YME1L1: variants seen among roughly 807,000 people sequenced by gnomAD.
The protein encoded by YME1L1 is YME1 like 1 ATPase.
Under a neutral mutation model 90.4 loss-of-function variants are expected in YME1L1, and 39 were observed. That is an observed-to-expected ratio of 0.43 (90% CI 0.33 to 0.56). The LOEUF (loss-of-function observed/expected upper bound fraction) is 0.56, where lower values mean the gene tolerates loss of function less well. YME1L1 is among the 20% of genes least tolerant of loss of function. The pLI, the probability that YME1L1 is intolerant of heterozygous loss-of-function variation, is 0.03. For synonymous variants in YME1L1, 284 were observed against 287.3 expected (o/e 0.99, Z 0.12); for missense variants, 617 against 868.4 (o/e 0.71, Z 3.64).
chr10:27,134,944 C>T lies in YME1L1; in HGVS notation c.578G>A (p.Ser193Asn), dbSNP rs748481695. The T allele has an allele frequency of 1.2e-6, 2 of 1,613,102 alleles. No homozygotes were observed. The highest frequency in any genetic ancestry group is 1.7e-6 in the Non-Finnish European group (2 of 1,180,010). Reference protein sequence around the residue: ...LLRDRGSDVESLDKLMKTKNI... With the variant: ...LLRDRGSDVENLDKLMKTKNI... ...TTTGGTTTTCATGAGTTTGTCCAAA[C>T]TCTCAACATCTGATCCTCTGTCCCG... The change falls in exon 6 of 19, where the codon AGT (serine) becomes AAT (asparagine). Residue 193 changes from serine to asparagine, a missense_variant. Coordinates refer to ENST00000376016, the MANE Select transcript of YME1L1 (RefSeq NM_014263.4).
chr10:27,144,372 A>T (rs569429387), intron 3 of YME1L1, among the ~76,000 whole-genome samples: 1 of 152,314 alleles, frequency 6.6e-6, no homozygotes, highest in East Asian at 1.9e-4. Flanking sequence ...ACTGAAATAA[A>T]GGCAAAGGAA....
chr10:27,120,406 A>G (rs750439049), intron 13 of YME1L1, 29 bp downstream of exon 13: 21 of 1,542,138 alleles, frequency 1.4e-5, no homozygotes, highest in Admixed American at 1.7e-5. Context: ...CACTTTACAG[A>G]AATGACAAAT....
Position 27,154,228 on chromosome 10 carries a change from C to A in YME1L1, c.-18G>T. 3 of 1,580,932 alleles carry A rather than the reference C, an allele frequency of 1.9e-6. No homozygotes were observed. Among genetic ancestry groups the A allele is most frequent in the Non-Finnish European group, 1.7e-6 (2 of 1,162,930 alleles). On this transcript the variant is annotated 5_prime_UTR_variant, in exon 1 of 19. Transcript: ENST00000376016. Reference sequence around the variant, plus strand: ...GAAAACATCTCCGGCGGGCCCTCAGCGACCTCACCCGCCTGCCGAAACTGT... The same window carrying A: ...GAAAACATCTCCGGCGGGCCCTCAGAGACCTCACCCGCCTGCCGAAACTGT...
intron 9 of YME1L1, among the ~76,000 whole-genome samples, chr10:27,126,132 CAA>C (rs1333730195): frequency 6.6e-6 from 1 of 151,888 alleles, no homozygotes; most frequent in Non-Finnish European, 1.5e-5. Flanking sequence ...CATAAAGAGA[CAA>C]AGTGAATGAT....
chr10:27,154,118 A>G, intron 1 of YME1L1, 60 bp downstream of exon 1: 2 of 1,554,936 alleles, frequency 1.3e-6, no homozygotes, highest in Non-Finnish European at 1.7e-6. Flanking sequence ...CACGAGCGCA[A>G]TTTGCAAACA....
chr10:27,114,449 TA>T lies in YME1L1; in HGVS notation c.2007+71del, dbSNP rs1480180464. Reference sequence around the variant, plus strand: ...TAGTGAACAGAGGGCCTTCAGCTGTTATTTTTTAAGAACCTGACTATTTAAG... The same window carrying T: ...TAGTGAACAGAGGGCCTTCAGCTGTTTTTTTTAAGAACCTGACTATTTAAG... On this transcript the variant is annotated intron_variant, in intron 18 of 18. Coordinates refer to ENST00000376016, the MANE Select transcript of YME1L1 (RefSeq NM_014263.4). 57 of 1,264,104 alleles carry T rather than the reference TA, an allele frequency of 4.5e-5. 2 individuals carry two copies. In the Admixed American group the frequency reaches 1.2e-3, roughly 26 times the overall value. 78.3% of individuals were successfully genotyped at this position (1,264,104 alleles called of 1,614,324 possible).
intron 2 of YME1L1, chr10:27,147,739 T>C: frequency 6.5e-7 from 1 of 1,538,744 alleles, no homozygotes; most frequent in Non-Finnish European, 8.8e-7. Flanking sequence ...GTAACACCCG[T>C]GGTTTCTATA....
chr10:27,150,285 A>G (rs2057197498), intron 1 of YME1L1, among the ~76,000 whole-genome samples: 1 of 152,174 alleles, frequency 6.6e-6, no homozygotes, highest in African/African-American at 2.4e-5. Context: ...TTAGTACTAC[A>G]GGCTTTACTT....
At chr10:27,139,136 T>G (rs1389315157) in intron 4 of YME1L1, among the ~76,000 whole-genome samples, 1 of 152,164 alleles carries the variant, frequency 6.6e-6, no homozygotes, top group Non-Finnish European at 1.5e-5. Flanking sequence ...GAAACACATC[T>G]ATTTTGTTCC....
rs1036909364 is a variant in YME1L1 at position 27,110,353 on chromosome 10, T to C, written c.*1624A>G. 1 of 152,122 alleles carries C rather than the reference T, an allele frequency of 6.6e-6. No homozygotes were observed. Among genetic ancestry groups the C allele is most frequent in the African/African-American group, 2.4e-5 (1 of 41,436 alleles). 9.4% of individuals were successfully genotyped at this position (152,122 alleles called of 1,614,324 possible). A position where few individuals can be genotyped will look rare whatever the true frequency, so the allele number is the denominator to read the frequency against. ...ACATTTCTGCCAGTTTGAAATTACATTAAGATTTAAGATTATCAACCAAAA... is the reference window on the plus strand; with the variant it reads ...ACATTTCTGCCAGTTTGAAATTACACTAAGATTTAAGATTATCAACCAAAA... On this transcript the variant is annotated 3_prime_UTR_variant, in exon 19 of 19. Transcript: ENST00000376016.
chr10:27,127,060 T>C (rs929133535), intron 8 of YME1L1, among the ~76,000 whole-genome samples: 5 of 152,192 alleles, frequency 3.3e-5, no homozygotes, highest in African/African-American at 1.2e-4. Context: ...GTCAAGTACA[T>C]TGGACAGGGT....
intron 4 of YME1L1, among the ~76,000 whole-genome samples, chr10:27,137,962 T>C (rs986557126): frequency 5.3e-5 from 8 of 152,142 alleles, no homozygotes; most frequent in Non-Finnish European, 1.0e-4. Context: ...AGAGTTTCAT[T>C]GCCAAACTAA....
At chr10:27,150,008 G>A (rs1157752756) in intron 1 of YME1L1, among the ~76,000 whole-genome samples, 2 of 151,940 alleles carry the variant, frequency 1.3e-5, no homozygotes, top group African/African-American at 2.4e-5. Context: ...CCTGGGAGGC[G>A]GAGGTTGCAG....
At chr10:27,154,127 C>CA in intron 1 of YME1L1, 51 bp downstream of exon 1, 1 of 1,559,594 alleles carries the variant, frequency 6.4e-7, no homozygotes, top group Non-Finnish European at 8.7e-7. Context: ...AATTTGCAAA[C>CA]AGCCACGGGC....
At chr10:27,143,647 G>A (rs1238593254) in intron 3 of YME1L1, among the ~76,000 whole-genome samples, 4 of 145,998 alleles carry the variant, frequency 2.7e-5, no homozygotes, top group African/African-American at 7.7e-5. Flanking sequence ...ACAGTGAGCC[G>A]AGATTGCCCC....
Position 27,119,338 on chromosome 10 carries a change from A to G in YME1L1, c.1523T>C (p.Val508Ala). The change falls in exon 14 of 19, where the codon GTT becomes GCT. Residue 508 changes from valine (V) to alanine (A), a missense_variant. By Grantham distance (64) the Val-to-Ala change is moderately conservative. This residue lies in a region of YME1L1 where 212 missense variants were observed against 330.0 expected (regional missense o/e 0.64). Transcript: ENST00000376016. Reference sequence around the variant, plus strand: ...GGAAAACTCCAGCTCCTTCATGGTAACCATTTCTTTTCCATCAACAGCTGC... The same window carrying G: ...GGAAAACTCCAGCTCCTTCATGGTAGCCATTTCTTTTCCATCAACAGCTGC... ...LKAAVDGKEMVTMKELEFSKD... is the reference protein window; with the variant it reads ...LKAAVDGKEMATMKELEFSKD... The G allele has an allele frequency of 1.2e-6, 2 of 1,613,168 alleles. No individual in the cohort carries two copies. Among genetic ancestry groups the G allele is most frequent in the Non-Finnish European group, 1.7e-6 (2 of 1,179,698 alleles).
chr10:27,144,406 T>A (rs1399062849), intron 3 of YME1L1, among the ~76,000 whole-genome samples: 1 of 152,194 alleles, frequency 6.6e-6, no homozygotes, highest in East Asian at 1.9e-4. Context: ...ATGAATTAAG[T>A]TTATGCAAAG....
chr10:27,132,128 G>GTCT (rs1283103717), intron 7 of YME1L1, among the ~76,000 whole-genome samples, 187 bp from the exon 8 acceptor site: 1 of 152,052 alleles, frequency 6.6e-6, no homozygotes, highest in Non-Finnish European at 1.5e-5. Flanking sequence ...TTTTGACAGA[G>GTCT]TCTTGCTCTG....
intron 2 of YME1L1, among the ~76,000 whole-genome samples, 166 bp downstream of exon 2, chr10:27,148,740 G>A (rs930031205): frequency 6.8e-6 from 1 of 148,044 alleles, no homozygotes; most frequent in East Asian, 1.9e-4. Context: ...TATCGGTAAG[G>A]CTTCCTGGTC....
Sources: gnomAD v4.1 joint callset for allele counts (sites outside exome capture counted in the v4.1 genomes callset) on GRCh38, gnomAD v4.1.1 for gene constraint, gnomAD v4.1.1 regional missense constraint, MANE v1.5 for transcripts, NCBI Gene and HGNC (gene_info 2026-07-23, HGNC 2026-07-21) for gene names.